Variants in CTXND2 observed in about 807,000 individuals in gnomAD.
CTXND2 encodes cortexin domain containing 2.
At chr1:150,910,630 ATTT>A (rs200364038) in intron 1 of CTXND2, among the ~76,000 whole-genome samples, 1 of 129,878 alleles carries the variant, frequency 7.7e-6, no homozygotes. Flanking sequence ...TGGACTCTCA[ATTT>A]TTTTTTTTTT....
At chr1:150,891,841 G>A (rs2102593924) in intron 1 of CTXND2, among the ~76,000 whole-genome samples, 1 of 152,098 alleles carries the variant, frequency 6.6e-6, no homozygotes, top group South Asian at 2.1e-4. Context: ...TCATGTGTTG[G>A]CCTCTTCAGT....
chr1:150,900,273 C>T (rs587716386), intron 1 of CTXND2, among the ~76,000 whole-genome samples: 17 of 151,738 alleles, frequency 1.1e-4, no homozygotes, highest in South Asian at 2.1e-4. Flanking sequence ...CGAACAACTC[C>T]GGACTGCCAC....
chr1:150,901,104 C>G (rs1669017711), intron 1 of CTXND2, among the ~76,000 whole-genome samples: 2 of 151,848 alleles, frequency 1.3e-5, no homozygotes, highest in Non-Finnish European at 2.9e-5. Context: ...AGAGTGAGAC[C>G]CTGTCTCAGA....
At chr1:150,904,029 T>C (rs1439633324) in intron 1 of CTXND2, 1 of 654,182 alleles carries the variant, frequency 1.5e-6, no homozygotes, top group East Asian at 3.3e-5. Flanking sequence ...GGTCAGGCTG[T>C]TGGATTCTCT....
intron 1 of CTXND2, among the ~76,000 whole-genome samples, chr1:150,888,672 A>T (rs1482656161): frequency 1.3e-5 from 2 of 151,778 alleles, no homozygotes. Context: ...TTCCTTTCTA[A>T]TAAGAATGTA....
chr1:150,891,641 C>G (rs1668851931), intron 1 of CTXND2, among the ~76,000 whole-genome samples: 1 of 152,210 alleles, frequency 6.6e-6, no homozygotes, highest in Admixed American at 6.5e-5. Flanking sequence ...CCCTTGTGAG[C>G]TGCCTTTGCT....
intron 1 of CTXND2, among the ~76,000 whole-genome samples, chr1:150,902,878 C>T (rs1228575135): frequency 6.6e-6 from 1 of 151,928 alleles, no homozygotes; most frequent in Non-Finnish European, 1.5e-5. Context: ...ACACCTTTCT[C>T]CTACAGAGTA....
intron 1 of CTXND2, among the ~76,000 whole-genome samples, chr1:150,900,730 T>G (rs587766288): frequency 2.6e-5 from 4 of 152,182 alleles, no homozygotes; most frequent in South Asian, 4.1e-4. Flanking sequence ...ATATCCCTAG[T>G]GTATAAACAA....
Position 150,909,281 on chromosome 1 carries a change from G to C in CTXND2, c.-73-2961G>C, listed in dbSNP as rs1045691373. 2.7e-5 allele frequency among the ~76,000 whole-genome samples: 4 copies of C among 148,488 alleles called. No homozygotes were observed. The Admixed American group carries it at 2.7e-4, about 10-fold the overall frequency. ...AGTACAAAAGTGTTGACCAGGCACAGTAGCTCATACAATCCTAACACTTTG... is the reference window on the plus strand; with the variant it reads ...AGTACAAAAGTGTTGACCAGGCACACTAGCTCATACAATCCTAACACTTTG... On this transcript the variant is annotated intron_variant, in intron 1 of 1. Coordinates refer to ENST00000636087, the Ensembl canonical transcript of CTXND2.
chr1:150,906,307 C>A (rs1669145716), intron 1 of CTXND2, among the ~76,000 whole-genome samples: 1 of 151,898 alleles, frequency 6.6e-6, no homozygotes, highest in Non-Finnish European at 1.5e-5. Flanking sequence ...TCAAAAACAA[C>A]AACAACAACA....
chr1:150,891,735 T>G (rs1668854284), intron 1 of CTXND2, among the ~76,000 whole-genome samples: 2 of 152,206 alleles, frequency 1.3e-5, no homozygotes, highest in Non-Finnish European at 2.9e-5. Context: ...TTGTCCTCCC[T>G]TAAACCTTCA....
At chr1:150,900,953 T>A (rs587729841) in intron 1 of CTXND2, among the ~76,000 whole-genome samples, 120 of 152,098 alleles carry the variant, frequency 7.9e-4, no homozygotes, top group African/African-American at 2.8e-3. Flanking sequence ...TGTCTCTACA[T>A]AAAAATAAAT....
At chr1:150,897,484 C>T (rs762600732) in intron 1 of CTXND2, among the ~76,000 whole-genome samples, 23 of 152,110 alleles carry the variant, frequency 1.5e-4, no homozygotes, top group East Asian at 3.9e-4. Context: ...GCCACCACAC[C>T]GGCTAACTTT....
At chr1:150,900,911 T>G (rs1386185213) in intron 1 of CTXND2, among the ~76,000 whole-genome samples, 5 of 152,158 alleles carry the variant, frequency 3.3e-5, no homozygotes, top group African/African-American at 9.7e-5. Flanking sequence ...GTCCAGGAGT[T>G]CGAGACCAGC....
At chr1:150,909,160 C>G (rs1483905516) in intron 1 of CTXND2, among the ~76,000 whole-genome samples, 1 of 150,556 alleles carries the variant, frequency 6.6e-6, no homozygotes, top group African/African-American at 2.4e-5. Flanking sequence ...ATCGCTTGAA[C>G]CTGGGAGGCA....
chr1:150,901,485 T>C (rs1052027527), intron 1 of CTXND2, among the ~76,000 whole-genome samples: 1 of 152,194 alleles, frequency 6.6e-6, no homozygotes, highest in Non-Finnish European at 1.5e-5. Context: ...CATGTTATGA[T>C]TTCAAAACAC....
intron 1 of CTXND2, among the ~76,000 whole-genome samples, chr1:150,898,594 A>G (rs903070784): frequency 6.6e-6 from 1 of 151,612 alleles, no homozygotes; most frequent in African/African-American, 2.4e-5. Flanking sequence ...TGTCTCTACT[A>G]AAAATACAAA....
At chr1:150,899,016 T>C (rs1571600026) in intron 1 of CTXND2, among the ~76,000 whole-genome samples, 1 of 149,126 alleles carries the variant, frequency 6.7e-6, no homozygotes. Flanking sequence ...GAGAATGGCA[T>C]GAACCCGGGA....
At chr1:150,900,918 C>T (rs587705616) in intron 1 of CTXND2, among the ~76,000 whole-genome samples, 34 of 152,182 alleles carry the variant, frequency 2.2e-4, no homozygotes, top group African/African-American at 8.2e-4. Context: ...AGTTCGAGAC[C>T]AGCTTGGGCA....
Sources: gnomAD v4.1 joint callset for allele counts (sites outside exome capture counted in the v4.1 genomes callset) on GRCh38, gnomAD v4.1.1 for gene constraint, MANE v1.5 for transcripts, NCBI Gene and HGNC (gene_info 2026-07-23, HGNC 2026-07-21) for gene names.